ATP8B1: variants seen among roughly 807,000 people sequenced by gnomAD.
ATP8B1 encodes ATPase phospholipid transporting 8B1, also known as phospholipid-transporting ATPase IC.
ATP8B1 carries 80 observed loss-of-function variants against 149.9 expected under a neutral mutation model. The observed-to-expected ratio is 0.53, with a 90% confidence interval of 0.45 to 0.64. The LOEUF (loss-of-function observed/expected upper bound fraction) is 0.64, where lower values mean the gene tolerates loss of function less well. Ranked by LOEUF, ATP8B1 falls within the 30% of genes least tolerant of loss-of-function variation. The pLI is 0.00. For missense variants in ATP8B1, 1,247 were observed against 1,552.6 expected (o/e 0.80, Z 3.31); for synonymous variants, 536 against 562.8 (o/e 0.95, Z 0.67).
chr18:57,691,997 T>A lies in ATP8B1; in HGVS notation c.1030A>T (p.Ile344Phe), dbSNP rs140665115. ...GAAAGCAGAATAAGAACAACAAAGA[T>A]CTAGAAGACAGAAAACATTTAAATG... Reference protein sequence around the residue: ...DYLMNYMVYTIFVVLILLSAG... With the variant: ...DYLMNYMVYTFFVVLILLSAG... Residue 344 changes from isoleucine (I) to phenylalanine (F), a missense_variant and splice_region_variant, in exon 12 of 28, where the codon ATC becomes TTC. Ile to Phe is a conservative substitution (Grantham distance 21). Around this residue, in one of 3 missense-constraint regions of ATP8B1, gnomAD observed 853 missense variants for 1,035.7 expected, o/e 0.82. Coordinates refer to ENST00000648908, the MANE Select transcript of ATP8B1 (RefSeq NM_001374385.1). 14 of 1,611,452 alleles carry A rather than the reference T, an allele frequency of 8.7e-6. No homozygotes were observed. Among genetic ancestry groups the A allele is most frequent in the Non-Finnish European group, 1.0e-5 (12 of 1,178,868 alleles).
At position 57,731,717 on chromosome 18, in the gene ATP8B1, C is replaced by T; in HGVS notation, c.91G>A (p.Asp31Asn). ...GCAGACCCCTGGTCATCAAGTTCATCTTCTGTTTCATCATCACTGTAGGGA... is the reference window on the plus strand; with the variant it reads ...GCAGACCCCTGGTCATCAAGTTCATTTTCTGTTTCATCATCACTGTAGGGA... Reference protein sequence around the residue: ...VVPYSDDETEDELDDQGSAVE... With the variant: ...VVPYSDDETENELDDQGSAVE... Residue 31 changes from aspartate (D) to asparagine (N), a missense_variant, in exon 2 of 28, where the codon GAT (aspartate) becomes AAT (asparagine). This residue lies in a region of ATP8B1 where 853 missense variants were observed against 1,035.7 expected (regional missense o/e 0.82). Transcript: ENST00000648908. 1 of 1,614,134 alleles carries T rather than the reference C, an allele frequency of 6.2e-7. No homozygotes were observed. Among genetic ancestry groups the T allele is most frequent in the Non-Finnish European group, 8.5e-7 (1 of 1,180,034 alleles).
At chr18:57,682,994 A>T (rs1462685151) in intron 15 of ATP8B1, among the ~76,000 whole-genome samples, 1 of 151,882 alleles carries the variant, frequency 6.6e-6, no homozygotes, top group African/African-American at 2.4e-5. Flanking sequence ...CACCTGGCTA[A>T]TTTTTTGTAT....
chr18:57,656,686 ATATT>A (rs1910020573), intron 22 of ATP8B1, among the ~76,000 whole-genome samples: 1 of 149,092 alleles, frequency 6.7e-6, no homozygotes, highest in Non-Finnish European at 1.5e-5. Flanking sequence ...CGAAATAGAT[ATATT>A]TCTTCCTGAA....
At position 57,662,521 on chromosome 18, in the gene ATP8B1, C is replaced by G. The variant is rs371546596; in HGVS notation, c.2380G>C (p.Gly794Arg). 3 of 1,614,082 alleles carry G rather than the reference C, an allele frequency of 1.9e-6. No individual in the cohort carries two copies. In the South Asian group the frequency reaches 3.3e-5, roughly 18 times the overall value. The change falls in exon 21 of 28, where the codon GGT becomes CGT. Residue 794 changes from glycine (G) to arginine (R), a missense_variant. Transcript: ENST00000648908. ...GTGATGATTAAGGCACGGTTTCCAC[C>G]GGGTGGAAAAAAAGATTCCTGCACA... is the stretch of plus-strand genomic sequence containing the variant. The part of the protein sequence containing the change: ...PPVQESFFPP[G>R]GNRALIITGS...
chr18:57,781,908 C>T (rs1056254384), intron 1 of ATP8B1, among the ~76,000 whole-genome samples: 2 of 152,214 alleles, frequency 1.3e-5, no homozygotes, highest in Non-Finnish European at 2.9e-5. Context: ...TGGCCTGAGT[C>T]CAGAAGTTTA....
At position 57,688,361 on chromosome 18, in the gene ATP8B1, G is replaced by A. The variant is rs121909104; in HGVS notation, c.1367C>T (p.Thr456Met). 5 of 1,614,114 alleles carry A rather than the reference G, an allele frequency of 3.1e-6. No individual in the cohort carries two copies. The highest frequency in any genetic ancestry group is 3.3e-5 in the Admixed American group (2 of 60,008). The change falls in exon 13 of 28, where the codon ACG (threonine) becomes ATG (methionine). Residue 456 changes from threonine to methionine, a missense_variant. Transcript: ENST00000648908. ...GQIHYIFSDK[T>M]GTLTQNIMTF... is the part of the protein sequence containing the mutation. ...CATGATATTTTGTGTGAGTGTCCCC[G>A]TCTTATCAGAGAAGATATAATGGAT...
At chr18:57,692,425 ATTTTTTTTTTT>A (rs10547283) in intron 11 of ATP8B1, among the ~76,000 whole-genome samples, 1 of 57,038 alleles carries the variant, frequency 1.8e-5, no homozygotes, top group African/African-American at 6.7e-5. Flanking sequence ...TATTCAACAG[ATTTTTTTTTTT>A]TTTTTTTTTT....
chr18:57,699,993 A>C (rs1253881762), intron 6 of ATP8B1, among the ~76,000 whole-genome samples: 2 of 152,154 alleles, frequency 1.3e-5, no homozygotes, highest in African/African-American at 4.8e-5. Context: ...CACCTATAGG[A>C]ACTTGAGCAT....
intron 2 of ATP8B1, among the ~76,000 whole-genome samples, chr18:57,721,873 AG>A (rs1354768913): frequency 2.9e-5 from 3 of 104,744 alleles, no homozygotes; most frequent in African/African-American, 1.2e-4. Flanking sequence ...CAAATGTAAA[AG>A]AACAGAAATT....
At chr18:57,700,953 A>G (rs1913086956) in intron 6 of ATP8B1, 86 bp downstream of exon 6, 1 of 1,355,078 alleles carries the variant, frequency 7.4e-7, no homozygotes, top group South Asian at 1.2e-5. Context: ...ATAGCCTTCT[A>G]CATTGTAATA....
At chr18:57,750,096 A>G (rs892205833) in intron 1 of ATP8B1, among the ~76,000 whole-genome samples, 2 of 152,172 alleles carry the variant, frequency 1.3e-5, no homozygotes, top group African/African-American at 4.8e-5. Context: ...TATGAAAATT[A>G]TCCAGGCATG....
intron 2 of ATP8B1, among the ~76,000 whole-genome samples, chr18:57,715,606 G>C (rs1422357391): frequency 2.0e-5 from 3 of 152,114 alleles, no homozygotes. Flanking sequence ...TAAAAGGAAG[G>C]ATCCTAAAAG....
At chr18:57,756,244 C>A (rs12606286) in intron 1 of ATP8B1, among the ~76,000 whole-genome samples, 1 of 60,554 alleles carries the variant, frequency 1.7e-5, no homozygotes, top group Non-Finnish European at 3.5e-5. Context: ...CACATATATA[C>A]ACACACACAT....
chr18:57,745,478 G>T (rs555844294), intron 1 of ATP8B1, among the ~76,000 whole-genome samples: 1 of 152,024 alleles, frequency 6.6e-6, no homozygotes, highest in African/African-American at 2.4e-5. Flanking sequence ...CACCATGTTG[G>T]CAAGGCTGGT....
At chr18:57,668,081 C>A in intron 19 of ATP8B1, 1 of 1,311,334 alleles carries the variant, frequency 7.6e-7, no homozygotes, top group South Asian at 1.2e-5. Flanking sequence ...TATTGTTCTA[C>A]TCTGTGCCCA....
At chr18:57,737,295 C>A (rs149825155) in intron 1 of ATP8B1, among the ~76,000 whole-genome samples, 1 of 152,116 alleles carries the variant, frequency 6.6e-6, no homozygotes, top group East Asian at 1.9e-4. Context: ...TAAAGCTGTA[C>A]CATTGGAGAA....
At chr18:57,712,931 C>T (rs907825950) in intron 2 of ATP8B1, among the ~76,000 whole-genome samples, 1 of 151,860 alleles carries the variant, frequency 6.6e-6, no homozygotes, top group Non-Finnish European at 1.5e-5. Context: ...GGACCCAGCT[C>T]TGGCAGGATC....
intron 24 of ATP8B1, among the ~76,000 whole-genome samples, chr18:57,653,682 CTTTTTTTTTT>C (rs71171057): frequency 1.5e-4 from 18 of 117,798 alleles, no homozygotes; most frequent in East Asian, 2.7e-4. Context: ...CCTCTTTTCT[CTTTTTTTTTT>C]TTTTTTTTTT....
At chr18:57,684,281 T>C (rs1912125607) in intron 14 of ATP8B1, 89 bp from the exon 15 acceptor site, 1 of 1,393,396 alleles carries the variant, frequency 7.2e-7, no homozygotes, top group Admixed American at 2.0e-5. Flanking sequence ...AGGCAAGGTT[T>C]CAATTATGCA....
Sources: allele counts gnomAD v4.1 joint callset (sites outside exome capture counted in the v4.1 genomes callset), GRCh38; gene constraint gnomAD v4.1.1; regional missense constraint gnomAD v4.1.1; transcripts MANE v1.5; gene names NCBI Gene and HGNC (gene_info 2026-07-23, HGNC 2026-07-21).